The following GLUD1 variants were observed in gnomAD, a reference collection of about 807,000 sequenced individuals.
The protein encoded by GLUD1 is glutamate dehydrogenase 1, mitochondrial.
GLUD1 carries 22 observed loss-of-function variants against 56.0 expected under a neutral mutation model. That is an observed-to-expected ratio of 0.39 (90% confidence interval 0.28 to 0.56). The LOEUF (loss-of-function observed/expected upper bound fraction) is 0.56, where lower values mean the gene tolerates loss of function less well. Among genes scored for constraint, GLUD1 ranks in the 20% least tolerant of loss-of-function variants. The pLI is 0.58. For synonymous variants in GLUD1, 223 were observed against 269.9 expected, an observed-to-expected ratio of 0.83 and a Z score of 1.70; for missense variants, 451 against 732.0, an observed-to-expected ratio of 0.62 and a Z score of 4.43.
intron 1 of GLUD1, among the ~76,000 whole-genome samples, chr10:87,076,977 G>A (rs1403101573): frequency 6.6e-6 from 1 of 151,806 alleles, no homozygotes; most frequent in Non-Finnish European, 1.5e-5. Context: ...GGGTGACCTG[G>A]TTGCAGGGAG....
chr10:87,069,728 A>G (rs1846178232), intron 4 of GLUD1, among the ~76,000 whole-genome samples: 1 of 152,164 alleles, frequency 6.6e-6, no homozygotes, highest in African/African-American at 2.4e-5. Flanking sequence ...CAGGGCTAGT[A>G]TAAGATAACT....
intron 5 of GLUD1, among the ~76,000 whole-genome samples, chr10:87,063,681 T>C (rs1195793415): frequency 6.6e-6 from 1 of 152,212 alleles, no homozygotes; most frequent in Non-Finnish European, 1.5e-5. Flanking sequence ...TATAACTTGA[T>C]ACTTAATATA....
rs1393528682 is a variant in GLUD1 at position 87,094,119 on chromosome 10, G to A, written c.445+206C>T. The A allele has an allele frequency of 8.1e-6, 12 of 1,483,100 alleles. No individual in the cohort carries two copies. Among genetic ancestry groups the A allele is most frequent in the Non-Finnish European group, 9.0e-6 (10 of 1,115,834 alleles). 91.9% of individuals were successfully genotyped at this position (1,483,100 alleles called of 1,614,324 possible). Reference sequence around the variant, plus strand: ...CCGGGGTGACGGCGCGGGGGAGGGGGCAGGCCAATCGCATGATGATTTTAA... The same window carrying A: ...CCGGGGTGACGGCGCGGGGGAGGGGACAGGCCAATCGCATGATGATTTTAA... On this transcript the variant is annotated intron_variant, in intron 1 of 12. Coordinates refer to ENST00000277865, the MANE Select transcript of GLUD1 (RefSeq NM_005271.5). The surrounding 1 kb of genome is among the most constrained non-coding windows in gnomAD (Gnocchi z 6.6).
rs1841676772 is a variant in GLUD1 at position 87,094,676 on chromosome 10, A to G, written c.94T>C (p.Trp32Arg). The part of the protein sequence containing the change: ...ASADSAALLG[W>R]ARGQPAAAPQ... The stretch of plus-strand genomic sequence containing the variant: ...GCGGCGGCGGGCTGTCCCCGGGCCC[A>G]GCCCAGCAACGCGGCCGAGTCGGCG... Residue 32 changes from tryptophan to arginine, a missense_variant, in exon 1 of 13, where the codon TGG (tryptophan) becomes CGG (arginine). Around this residue, in one of 4 missense-constraint regions of GLUD1, gnomAD observed 158 missense variants for 189.7 expected, o/e 0.83. Transcript: ENST00000277865. This position sits in a 1 kb window ranked among gnomAD's most constrained non-coding sequence, Gnocchi z 6.6. 6.6e-7 allele frequency: 1 copy of G among 1,518,174 alleles called. No individual in the cohort carries two copies. The highest frequency in any genetic ancestry group is 8.8e-7 in the Non-Finnish European group (1 of 1,133,926). 94.0% of individuals were successfully genotyped at this position (1,518,174 alleles called of 1,614,324 possible).
At chr10:87,083,377 T>C (rs1192237599) in intron 1 of GLUD1, among the ~76,000 whole-genome samples, 3 of 152,192 alleles carry the variant, frequency 2.0e-5, no homozygotes, top group African/African-American at 7.2e-5. Context: ...CTAGCACTTT[T>C]GAATGCCTAC....
intron 1 of GLUD1, among the ~76,000 whole-genome samples, chr10:87,079,927 C>CCCCTCT (rs1258508340): frequency 8.0e-4 from 101 of 125,984 alleles, no homozygotes; most frequent in Non-Finnish European, 1.1e-3. Context: ...CCTCTCCCTC[C>CCCCTCT]CCCTCTCCCT....
chr10:87,086,295 C>T (rs1316827136), intron 1 of GLUD1, among the ~76,000 whole-genome samples: 1 of 152,178 alleles, frequency 6.6e-6, no homozygotes, highest in Non-Finnish European at 1.5e-5. Flanking sequence ...CCTGATACCA[C>T]CATTTTTTTC....
intron 5 of GLUD1, among the ~76,000 whole-genome samples, chr10:87,066,823 C>G (rs899363709): frequency 1.3e-5 from 2 of 152,230 alleles, no homozygotes; most frequent in Admixed American, 1.3e-4. Flanking sequence ...CTTCCTACTC[C>G]TGAAATGTTT....
chr10:87,094,188 G>A lies in GLUD1; in HGVS notation c.445+137C>T, dbSNP rs1266920211. The A allele has an allele frequency of 9.4e-6, 13 of 1,383,322 alleles. No homozygotes were observed. The highest frequency in any genetic ancestry group is 2.7e-5 in the Admixed American group (1 of 37,284). 85.7% of individuals were successfully genotyped at this position (1,383,322 alleles called of 1,614,324 possible). The stretch of plus-strand genomic sequence containing the variant: ...CACAGAGCCGGCCACATCCGAGGCG[G>A]GGTGACCCGGGCGGGGACCCGGCCC... On this transcript the variant is annotated intron_variant, in intron 1 of 12. Coordinates refer to ENST00000277865, the MANE Select transcript of GLUD1 (RefSeq NM_005271.5). The surrounding 1 kb of genome is among the most constrained non-coding windows in gnomAD (Gnocchi z 6.6).
At chr10:87,079,624 G>T (rs1056866781) in intron 1 of GLUD1, among the ~76,000 whole-genome samples, 3 of 152,164 alleles carry the variant, frequency 2.0e-5, no homozygotes, top group Non-Finnish European at 4.4e-5. Context: ...GGGTGCTAAT[G>T]CCACTCTCCT....
chr10:87,087,134 A>G (rs1387317316), intron 1 of GLUD1, among the ~76,000 whole-genome samples: 1 of 152,176 alleles, frequency 6.6e-6, no homozygotes, highest in Non-Finnish European at 1.5e-5. Context: ...CTCAGGTTCA[A>G]TAATGTTATA....
intron 8 of GLUD1, 177 bp downstream of exon 8, chr10:87,060,511 T>C: frequency 1.2e-6 from 1 of 821,354 alleles, no homozygotes; most frequent in South Asian, 1.5e-5. Context: ...CACAACTCTG[T>C]GCCGGTAGCT....
chr10:87,062,532 C>A lies in GLUD1; in HGVS notation c.921+124G>T, dbSNP rs185521402. 3.8e-3 allele frequency: 3,074 copies of A among 799,524 alleles called. 128 individuals carry two copies. The Admixed American group carries it at 0.064, about 17-fold the overall frequency. The allele number at this position is 799,524 out of a possible 1,614,324, so 49.5% of individuals were successfully genotyped here. A position where few individuals can be genotyped will look rare whatever the true frequency, so the allele number is the denominator to read the frequency against. ...AACAAAATATCTATTACTCTGAAAA[C>A]CACCACTCTAAAATTTAAGAGATTT... On this transcript the variant is annotated intron_variant, in intron 6 of 12. Coordinates refer to ENST00000277865, the MANE Select transcript of GLUD1 (RefSeq NM_005271.5).
intron 1 of GLUD1, among the ~76,000 whole-genome samples, chr10:87,087,639 A>G (rs1841415055): frequency 6.6e-6 from 1 of 152,200 alleles, no homozygotes; most frequent in South Asian, 2.1e-4. Context: ...TACTGTCACA[A>G]GCCCTTATTT....
At chr10:87,060,428 G>T in intron 8 of GLUD1, 187 bp from the exon 9 acceptor site, 2 of 550,226 alleles carry the variant, frequency 3.6e-6, no homozygotes, top group African/African-American at 2.0e-5. Context: ...ATTTATCTAG[G>T]TTTTTTTTTT....
chr10:87,052,414 G>A (rs572901844), intron 12 of GLUD1, among the ~76,000 whole-genome samples: 17 of 152,254 alleles, frequency 1.1e-4, no homozygotes, highest in Non-Finnish European at 2.4e-4. Flanking sequence ...CTTGAAGCCA[G>A]GAGGCGGTGG....
intron 5 of GLUD1, among the ~76,000 whole-genome samples, chr10:87,063,057 G>GTT (rs757864860): frequency 2.2e-4 from 31 of 144,150 alleles, no homozygotes; most frequent in South Asian, 4.3e-4. Flanking sequence ...TATATTTTCT[G>GTT]TTTTTTTTTT....
chr10:87,052,573 G>A (rs1845663668), intron 12 of GLUD1, among the ~76,000 whole-genome samples: 1 of 150,306 alleles, frequency 6.7e-6, no homozygotes, highest in Non-Finnish European at 1.5e-5. Flanking sequence ...GGGAGGCTAA[G>A]GGACAAGAAT....
intron 1 of GLUD1, among the ~76,000 whole-genome samples, chr10:87,093,578 T>C (rs1014669578): frequency 6.6e-6 from 1 of 152,312 alleles, no homozygotes; most frequent in Middle Eastern, 3.4e-3. Context: ...CCAGGACCAG[T>C]ACACACCCCC....
Sources: allele counts gnomAD v4.1 joint callset (sites outside exome capture counted in the v4.1 genomes callset), GRCh38; gene constraint gnomAD v4.1.1; regional missense constraint gnomAD v4.1.1; non-coding constraint Gnocchi (gnomAD v3.1); transcripts MANE v1.5; gene names NCBI Gene and HGNC (gene_info 2026-07-23, HGNC 2026-07-21).